Variants in ABTB3 observed in about 807,000 individuals in gnomAD.
ABTB3 encodes the protein ankyrin repeat- and BTB/POZ domain-containing protein 3.
At chr12:107,401,034 T>C in the ABTB3 span, among the ~76,000 whole-genome samples, 1 of 152,188 alleles carries the variant, frequency 6.6e-6, no homozygotes, top group African/African-American at 2.4e-5. Flanking sequence ...CACATTCACA[T>C]GCAGGACCAC....
the ABTB3 span, among the ~76,000 whole-genome samples, chr12:107,484,257 G>C: frequency 5.9e-5 from 9 of 152,238 alleles, no homozygotes; most frequent in Non-Finnish European, 2.9e-5. Flanking sequence ...AGGGGCCAAA[G>C]CTGCAGCTTC....
the ABTB3 span, among the ~76,000 whole-genome samples, chr12:107,607,633 C>T: frequency 1.3e-5 from 2 of 152,196 alleles, no homozygotes; most frequent in East Asian, 3.9e-4. Context: ...GATCAGACCC[C>T]TCATGGCAAC....
At chr12:107,327,658 C>A in the ABTB3 span, among the ~76,000 whole-genome samples, 1 of 152,200 alleles carries the variant, frequency 6.6e-6, no homozygotes, top group Non-Finnish European at 1.5e-5. Flanking sequence ...CATTTTACTT[C>A]TGTATCACAT....
the ABTB3 span, among the ~76,000 whole-genome samples, chr12:107,348,389 A>G: frequency 6.6e-6 from 1 of 152,182 alleles, no homozygotes; most frequent in Admixed American, 6.5e-5. Flanking sequence ...TATGCCAGAC[A>G]GTATTCTAGG....
At chr12:107,648,936 T>TG in the ABTB3 span, among the ~76,000 whole-genome samples, 1 of 90,222 alleles carries the variant, frequency 1.1e-5, no homozygotes, top group Admixed American at 1.4e-4. Context: ...AGTTTGGTCT[T>TG]GGGGGTGGGC....
the ABTB3 span, among the ~76,000 whole-genome samples, chr12:107,428,209 A>T: frequency 6.6e-5 from 10 of 152,350 alleles, no homozygotes; most frequent in Admixed American, 5.2e-4. Flanking sequence ...AAAAGGAGTA[A>T]GGAGGACCAG....
chr12:107,566,289 A>G, the ABTB3 span, among the ~76,000 whole-genome samples: 54,043 of 151,750 alleles, frequency 0.36, 9,825 homozygotes, highest in Non-Finnish European at 0.38. Context: ...CTACTTCCTC[A>G]AAGGAACCTT....
At chr12:107,321,252 C>T in the ABTB3 span, among the ~76,000 whole-genome samples, 1 of 152,190 alleles carries the variant, frequency 6.6e-6, no homozygotes, top group Admixed American at 6.5e-5. Context: ...GCTGGAGGAG[C>T]ACTGCGGTGG....
the ABTB3 span, among the ~76,000 whole-genome samples, chr12:107,387,424 G>A: frequency 3.3e-5 from 5 of 152,144 alleles, no homozygotes; most frequent in Non-Finnish European, 7.3e-5. Flanking sequence ...TTTTGTTGAG[G>A]GACTGCTATG....
At chr12:107,356,447 G>GTACTTA in the ABTB3 span, among the ~76,000 whole-genome samples, 6 of 152,198 alleles carry the variant, frequency 3.9e-5, no homozygotes, top group Non-Finnish European at 7.3e-5. Context: ...CAGGAGCAGA[G>GTACTTA]TACTTAGGAG....
chr12:107,446,746 C>T, the ABTB3 span, among the ~76,000 whole-genome samples: 1 of 152,154 alleles, frequency 6.6e-6, no homozygotes, highest in Admixed American at 6.5e-5. Flanking sequence ...CACAGGTTGA[C>T]ACAAAGAGGC....
chr12:107,649,461 TCA>T, the ABTB3 span: 1 of 585,702 alleles, frequency 1.7e-6, no homozygotes, highest in Non-Finnish European at 3.1e-6. Context: ...GGGCTTCTCA[TCA>T]GAGACCTTCC....
the ABTB3 span, among the ~76,000 whole-genome samples, chr12:107,326,740 C>T: frequency 1.3e-5 from 2 of 152,174 alleles, no homozygotes; most frequent in Admixed American, 6.5e-5. Flanking sequence ...TGCCACTCTG[C>T]ATTCATATCC....
the ABTB3 span, among the ~76,000 whole-genome samples, chr12:107,481,883 G>GTCTCTCTCCCTCTC: frequency 2.8e-5 from 3 of 108,242 alleles, no homozygotes; most frequent in African/African-American, 1.1e-4. Flanking sequence ...GAAATCAAGA[G>GTCTCTCTCCCTCTC]TCTCTCTCTC....
the ABTB3 span, among the ~76,000 whole-genome samples, chr12:107,366,307 G>A: frequency 2.0e-5 from 3 of 152,204 alleles, no homozygotes; most frequent in Non-Finnish European, 4.4e-5. Flanking sequence ...TCCAGAGAAA[G>A]CATCGTACAT....
chr12:107,406,302 C>T, the ABTB3 span, among the ~76,000 whole-genome samples: 12 of 152,296 alleles, frequency 7.9e-5, no homozygotes, highest in East Asian at 7.7e-4. Flanking sequence ...TGAAAGCATG[C>T]GCCTGTAGTC....
the ABTB3 span, among the ~76,000 whole-genome samples, chr12:107,552,934 G>A: frequency 6.6e-6 from 1 of 152,210 alleles, no homozygotes; most frequent in African/African-American, 2.4e-5. Context: ...ACTGAACAGA[G>A]CTGGGCCTGA....
At chr12:107,544,851 G>A in the ABTB3 span, among the ~76,000 whole-genome samples, 1 of 152,166 alleles carries the variant, frequency 6.6e-6, no homozygotes, top group Non-Finnish European at 1.5e-5. Flanking sequence ...TTCAAATCCA[G>A]GCTTTTCTAA....
chr12:107,355,228 G>A, the ABTB3 span, among the ~76,000 whole-genome samples: 6 of 152,228 alleles, frequency 3.9e-5, no homozygotes, highest in African/African-American at 1.4e-4. Context: ...GCAGAGCTGG[G>A]CTCACCGTCT....
Sources: allele counts gnomAD v4.1 joint callset (sites outside exome capture counted in the v4.1 genomes callset), GRCh38; gene constraint gnomAD v4.1.1; transcripts MANE v1.5; gene names NCBI Gene and HGNC (gene_info 2026-07-23, HGNC 2026-07-21).